CDH12: variants seen among roughly 807,000 people sequenced by gnomAD.
CDH12 encodes the protein cadherin 12.
A neutral mutation model predicts 74.1 loss-of-function variants in CDH12; 41 were observed. The observed-to-expected ratio is 0.55, with a 90% CI of 0.43 to 0.72. The LOEUF (loss-of-function observed/expected upper bound fraction) is 0.72. Ranked by LOEUF, CDH12 falls within the 30% of genes least tolerant of loss-of-function variation. The pLI is 0.00. For synonymous variants in CDH12, 399 were observed against 355.0 expected, an observed-to-expected ratio of 1.12 and a Z score of -1.39; for missense variants, 945 against 977.2, an observed-to-expected ratio of 0.97 and a Z score of 0.44.
intron 6 of CDH12, among the ~76,000 whole-genome samples, chr5:21,909,320 G>C (rs564331197): frequency 1.2e-4 from 18 of 152,198 alleles, no homozygotes; most frequent in African/African-American, 3.6e-4. Context: ...TGCCCCATAG[G>C]ACATGCACTA....
chr5:22,807,010 T>G (rs1258683055), intron 1 of CDH12, among the ~76,000 whole-genome samples: 2 of 152,126 alleles, frequency 1.3e-5, no homozygotes, highest in Non-Finnish European at 1.5e-5. Context: ...GCTTTTGTTG[T>G]CATTACTTTT....
At chr5:22,682,912 G>A (rs2126931690) in intron 1 of CDH12, among the ~76,000 whole-genome samples, 1 of 152,140 alleles carries the variant, frequency 6.6e-6, no homozygotes, top group South Asian at 2.1e-4. Flanking sequence ...TCACAGCCAT[G>A]CCTAATATCA....
intron 7 of CDH12, among the ~76,000 whole-genome samples, chr5:21,845,446 T>C (rs77601646): frequency 0.02 from 2,972 of 152,176 alleles, 87 homozygotes; most frequent in African/African-American, 0.068. Flanking sequence ...AACCATTCCA[T>C]GTCCACTGAG....
chr5:22,636,439 G>A (rs1192113036), intron 1 of CDH12, among the ~76,000 whole-genome samples: 3 of 152,208 alleles, frequency 2.0e-5, no homozygotes, highest in South Asian at 4.1e-4. Context: ...CTTATGAGTA[G>A]ATAAATGCAA....
chr5:22,828,303 T>C, intron 1 of CDH12, among the ~76,000 whole-genome samples: 1 of 152,092 alleles, frequency 6.6e-6, no homozygotes, highest in East Asian at 1.9e-4. Context: ...TGGAAAGATA[T>C]TGGGGAAATA....
At chr5:22,283,245 TATATATACACAC>T (rs1736987799) in intron 3 of CDH12, among the ~76,000 whole-genome samples, 2 of 115,158 alleles carry the variant, frequency 1.7e-5, no homozygotes, top group African/African-American at 7.0e-5. Flanking sequence ...TATATATATA[TATATATACACAC>T]ACACACACAC....
At chr5:22,614,299 A>T (rs1023355464) in intron 1 of CDH12, among the ~76,000 whole-genome samples, 26 of 152,124 alleles carry the variant, frequency 1.7e-4, no homozygotes, top group African/African-American at 6.0e-4. Flanking sequence ...GACATACATT[A>T]TTCAGATGCA....
chr5:21,850,020 G>T (rs1410690758), intron 7 of CDH12, among the ~76,000 whole-genome samples: 1 of 151,572 alleles, frequency 6.6e-6, no homozygotes, highest in Non-Finnish European at 1.5e-5. Context: ...AGGCCTGGGG[G>T]ACAGTGTTCT....
rs1746060123 is a variant in CDH12 at position 22,473,799 on chromosome 5, T to TAG, written c.-428+31470_-428+31471insCT. The stretch of plus-strand genomic sequence containing the variant: ...GTAAGGCTGATATAGTGTAAATTGA[T>TAG]ATATATAGTGTAATGGAAAATCGGA... On this transcript the variant is annotated intron_variant, in intron 2 of 14. Transcript: ENST00000382254. Among the ~76,000 whole-genome samples the TAG allele has an allele frequency of 4.6e-5, 7 of 152,256 alleles. No homozygotes were observed. In the South Asian group the frequency reaches 1.4e-3, roughly 32 times the overall value.
intron 1 of CDH12, among the ~76,000 whole-genome samples, chr5:22,536,955 A>G (rs144282807): frequency 1.2e-4 from 18 of 152,334 alleles, no homozygotes; most frequent in African/African-American, 4.3e-4. Context: ...AAGAGTATTC[A>G]ACATTCATTA....
At chr5:22,822,451 C>A (rs1333376966) in intron 1 of CDH12, among the ~76,000 whole-genome samples, 3 of 152,166 alleles carry the variant, frequency 2.0e-5, no homozygotes, top group East Asian at 3.9e-4. Context: ...AGGCAACCTA[C>A]AGAATGGGAG....
intron 1 of CDH12, among the ~76,000 whole-genome samples, chr5:22,586,583 G>A (rs2126792014): frequency 6.6e-6 from 1 of 151,404 alleles, no homozygotes; most frequent in African/African-American, 2.4e-5. Context: ...AAAATCAAAT[G>A]ATATCCTATA....
intron 11 of CDH12, among the ~76,000 whole-genome samples, chr5:21,771,738 C>A (rs1745335301): frequency 6.6e-6 from 1 of 152,054 alleles, no homozygotes; most frequent in African/African-American, 2.4e-5. Context: ...AGGAAAAGAC[C>A]TGAAAAAGAA....
At chr5:21,803,582 T>G (rs1747259089) in intron 9 of CDH12, among the ~76,000 whole-genome samples, 1 of 152,186 alleles carries the variant, frequency 6.6e-6, no homozygotes, top group Non-Finnish European at 1.5e-5. Context: ...GAAAATACAC[T>G]ATTCCTGAAA....
At chr5:21,981,617 C>T (rs934776218) in intron 5 of CDH12, among the ~76,000 whole-genome samples, 4 of 152,074 alleles carry the variant, frequency 2.6e-5, no homozygotes, top group African/African-American at 4.8e-5. Context: ...TTCTTCTCCC[C>T]GTCCCCCACC....
intron 1 of CDH12, among the ~76,000 whole-genome samples, chr5:22,750,932 TA>T: frequency 7.3e-6 from 1 of 137,818 alleles, no homozygotes; most frequent in Non-Finnish European, 1.6e-5. Context: ...AAAAAAAAGG[TA>T]GGGGATAGGA....
intron 4 of CDH12, among the ~76,000 whole-genome samples, chr5:22,125,050 C>T (rs1307975126): frequency 1.3e-5 from 2 of 151,720 alleles, no homozygotes; most frequent in Non-Finnish European, 2.9e-5. Context: ...GAGTGGGTTA[C>T]TTTTTTTTAA....
intron 3 of CDH12, among the ~76,000 whole-genome samples, chr5:22,368,783 A>AC: frequency 6.8e-6 from 1 of 147,512 alleles, no homozygotes; most frequent in African/African-American, 2.4e-5. Flanking sequence ...TAAGAGGTTG[A>AC]CCTCAAAAGT....
At chr5:22,181,956 T>C (rs895779399) in intron 4 of CDH12, among the ~76,000 whole-genome samples, 1 of 152,212 alleles carries the variant, frequency 6.6e-6, no homozygotes, top group African/African-American at 2.4e-5. Flanking sequence ...CCAGGCTATC[T>C]TGATCTCTTT....
Sources: gnomAD v4.1 joint callset for allele counts (sites outside exome capture counted in the v4.1 genomes callset) on GRCh38, gnomAD v4.1.1 for gene constraint, MANE v1.5 for transcripts, NCBI Gene and HGNC (gene_info 2026-07-23, HGNC 2026-07-21) for gene names.